Variants in PRKG1 observed in about 807,000 individuals in gnomAD.
PRKG1 encodes cGMP-dependent protein kinase 1.
Under a neutral mutation model 88.1 loss-of-function variants are expected in PRKG1, and 35 were observed. The observed-to-expected ratio is 0.40, with a 90% CI of 0.30 to 0.53. The LOEUF is 0.53. PRKG1 is among the 20% of genes least tolerant of loss of function. The probability of loss-of-function intolerance (pLI) is 0.59; values close to 1 mark genes in which losing one functional copy is unlikely to be tolerated. For missense variants in PRKG1, 540 were observed against 839.8 expected (o/e 0.64, Z 4.41); for synonymous variants, 303 against 292.5 (o/e 1.04, Z -0.37).
intron 2 of PRKG1, among the ~76,000 whole-genome samples, chr10:51,291,662 C>G (rs992907587): frequency 1.3e-5 from 2 of 152,184 alleles, no homozygotes; most frequent in East Asian, 1.9e-4. Context: ...TGGGTGCCCC[C>G]CTTAAAAGAA....
chr10:51,756,360 G>A (rs909721952), intron 3 of PRKG1, among the ~76,000 whole-genome samples: 1 of 151,972 alleles, frequency 6.6e-6, no homozygotes, highest in African/African-American at 2.4e-5. Context: ...GGTAATGTAT[G>A]CCTGTTCTCC....
intron 2 of PRKG1, among the ~76,000 whole-genome samples, chr10:51,260,471 G>A (rs1839676977): frequency 6.6e-6 from 1 of 151,844 alleles, no homozygotes; most frequent in Non-Finnish European, 1.5e-5. Context: ...TAATACCAAT[G>A]GTCTCTCTAG....
chr10:51,104,356 C>T (rs1844766439), intron 1 of PRKG1, among the ~76,000 whole-genome samples: 1 of 152,056 alleles, frequency 6.6e-6, no homozygotes, highest in South Asian at 2.1e-4. Flanking sequence ...TATAACTTTG[C>T]TAAAAACAAA....
intron 3 of PRKG1, among the ~76,000 whole-genome samples, chr10:51,672,225 A>G (rs1046522533): frequency 6.6e-6 from 1 of 151,970 alleles, no homozygotes; most frequent in East Asian, 1.9e-4. Context: ...TGGAACACCA[A>G]TTTAATGTAT....
intron 9 of PRKG1, among the ~76,000 whole-genome samples, chr10:52,195,894 C>T (rs1472084108): frequency 1.3e-5 from 2 of 152,018 alleles, no homozygotes; most frequent in African/African-American, 4.8e-5. Context: ...TGGATATAGT[C>T]AGGAAAAAGT....
intron 2 of PRKG1, among the ~76,000 whole-genome samples, chr10:51,434,674 A>G (rs1320238249): frequency 6.6e-6 from 1 of 152,032 alleles, no homozygotes; most frequent in African/African-American, 2.4e-5. Flanking sequence ...CGGTATTTTC[A>G]TTTCTCTTTA....
intron 5 of PRKG1, among the ~76,000 whole-genome samples, chr10:51,955,792 T>C (rs2133061045): frequency 6.6e-6 from 1 of 152,262 alleles, no homozygotes; most frequent in Non-Finnish European, 1.5e-5. Flanking sequence ...ATGTTAATGT[T>C]TTAAAGTGGT....
chr10:52,209,061 G>A (rs1250688141), intron 9 of PRKG1, among the ~76,000 whole-genome samples: 3 of 152,064 alleles, frequency 2.0e-5, no homozygotes, highest in African/African-American at 4.8e-5. Context: ...TTATATTTGG[G>A]TAAAATCCTA....
chr10:51,553,955 T>C (rs969946570), intron 3 of PRKG1, among the ~76,000 whole-genome samples: 5 of 133,410 alleles, frequency 3.7e-5, no homozygotes, highest in African/African-American at 1.4e-4. Context: ...GTATATAATA[T>C]ATGTATGTAT....
At chr10:51,127,715 C>T (rs1239353139) in intron 1 of PRKG1, among the ~76,000 whole-genome samples, 2 of 152,124 alleles carry the variant, frequency 1.3e-5, no homozygotes, top group African/African-American at 2.4e-5. Context: ...ACCCAAATGC[C>T]CACCAAGGAT....
intron 3 of PRKG1, among the ~76,000 whole-genome samples, chr10:51,740,122 G>T (rs1414501808): frequency 6.6e-6 from 1 of 152,070 alleles, no homozygotes; most frequent in Non-Finnish European, 1.5e-5. Flanking sequence ...AGGCCTCCTG[G>T]GCTCAAGTGA....
chr10:52,252,612 C>T (rs1303845160), intron 10 of PRKG1: 3 of 151,986 alleles, frequency 2.0e-5, no homozygotes, highest in Non-Finnish European at 4.4e-5. Flanking sequence ...TACATTGACC[C>T]AGTACTATTT....
chr10:51,892,015 A>G (rs1397212612), intron 4 of PRKG1, among the ~76,000 whole-genome samples: 2 of 152,160 alleles, frequency 1.3e-5, no homozygotes, highest in Non-Finnish European at 2.9e-5. Context: ...AAAAATATGG[A>G]GCAATTCACA....
chr10:51,081,045 C>G (rs2131849753), intron 1 of PRKG1, among the ~76,000 whole-genome samples: 1 of 152,286 alleles, frequency 6.6e-6, no homozygotes, highest in South Asian at 2.1e-4. Flanking sequence ...TCAAAACTGT[C>G]TTATTTCTGA....
chr10:51,808,197 C>CA (rs761196681), intron 4 of PRKG1, among the ~76,000 whole-genome samples: 25 of 152,156 alleles, frequency 1.6e-4, no homozygotes, highest in East Asian at 9.6e-4. Context: ...CTTTCTTTTA[C>CA]ATCATATAAA....
At chr10:51,138,826 G>A (rs944320559) in intron 1 of PRKG1, among the ~76,000 whole-genome samples, 4 of 151,668 alleles carry the variant, frequency 2.6e-5, no homozygotes, top group African/African-American at 9.7e-5. Context: ...GGGATTACAG[G>A]CATGCGCCAC....
At chr10:52,005,213 C>T (rs997937183) in intron 5 of PRKG1, among the ~76,000 whole-genome samples, 7 of 150,000 alleles carry the variant, frequency 4.7e-5, no homozygotes, top group African/African-American at 1.7e-4. Context: ...TACAATATAG[C>T]AATGTGGCTT....
At chr10:52,272,507 A>G in intron 12 of PRKG1, 26 bp downstream of exon 12, 1 of 1,505,496 alleles carries the variant, frequency 6.6e-7, no homozygotes, top group Non-Finnish European at 9.2e-7. Context: ...AATTTCTATG[A>G]TATCTCTAAA....
chr10:51,122,810 T>C (rs1309695077), intron 1 of PRKG1, among the ~76,000 whole-genome samples: 2 of 152,198 alleles, frequency 1.3e-5, no homozygotes, highest in African/African-American at 4.8e-5. Context: ...CGTGTCACTG[T>C]GCATACTACA....
Sources: allele counts gnomAD v4.1 joint callset (sites outside exome capture counted in the v4.1 genomes callset), GRCh38; gene constraint gnomAD v4.1.1; transcripts MANE v1.5; gene names NCBI Gene and HGNC (gene_info 2026-07-23, HGNC 2026-07-21).